WNT8A: variants seen among roughly 807,000 people sequenced by gnomAD.
WNT8A encodes Wnt family member 8A, also known as protein Wnt-8a.
A neutral mutation model predicts 20.5 loss-of-function variants in WNT8A; 14 were observed. That is an observed-to-expected ratio of 0.68 (90% CI 0.45 to 1.07). The LOEUF is 1.07. WNT8A is among the 50% of genes least tolerant of loss of function. The pLI is 0.00. For missense variants in WNT8A, 397 were observed against 462.9 expected, an observed-to-expected ratio of 0.86 and a Z score of 1.31; for synonymous variants, 167 against 169.2, an observed-to-expected ratio of 0.99 and a Z score of 0.10.
chr5:138,083,913 C>G, upstream of WNT8A: 1 of 568,866 alleles, frequency 1.8e-6, no homozygotes, highest in Non-Finnish European at 2.9e-6. Flanking sequence ...CCAGATCCCC[C>G]ACTGGGCCGG....
At chr5:138,085,407 T>C (rs1157732529) in intron 2 of WNT8A, among the ~76,000 whole-genome samples, 2 of 152,144 alleles carry the variant, frequency 1.3e-5, no homozygotes, top group African/African-American at 2.4e-5. Flanking sequence ...AGACGTCACA[T>C]TGAGTTGTGC....
chr5:138,088,557 C>T (rs763068377), intron 3 of WNT8A, among the ~76,000 whole-genome samples: 5 of 152,006 alleles, frequency 3.3e-5, no homozygotes, highest in African/African-American at 1.2e-4. Context: ...GGGGTTTCAC[C>T]GTGTTAGCCA....
At chr5:138,083,314 C>T (rs190741132), upstream of WNT8A, among the ~76,000 whole-genome samples, 58 of 151,386 alleles carry the variant, frequency 3.8e-4, no homozygotes, top group African/African-American at 1.3e-3. Context: ...AGGCATCAGT[C>T]TTCCCAAATA....
In WNT8A at chr5:138,089,007, T is replaced by C; in HGVS notation, c.502T>C (p.Leu168=). Reference sequence around the variant, plus strand: ...GATCTCCAAACTCTTTGTGGACAGTTTGGAGAAGGGGAAGGATGCCAGAGC... The same window carrying C: ...GATCTCCAAACTCTTTGTGGACAGTCTGGAGAAGGGGAAGGATGCCAGAGC... ...ERISKLFVDS[L]EKGKDARALM... The change falls in exon 4 of 5, where the codon TTG becomes CTG. Residue 168 remains leucine (L), a synonymous_variant. Coordinates refer to ENST00000506684, the MANE Select transcript of WNT8A (RefSeq NM_001300939.2). The C allele has an allele frequency of 6.2e-7, 1 of 1,613,780 alleles. No individual in the cohort carries two copies. The highest frequency in any genetic ancestry group is 8.5e-7 in the Non-Finnish European group (1 of 1,179,990).
At chr5:138,079,282 ATATAAACT>A (rs1398604049), upstream of WNT8A, among the ~76,000 whole-genome samples, 1 of 148,168 alleles carries the variant, frequency 6.7e-6, no homozygotes, top group African/African-American at 2.4e-5. Flanking sequence ...AAATTAAATT[ATATAAACT>A]TATAATTATA....
intron 2 of WNT8A, among the ~76,000 whole-genome samples, chr5:138,085,558 G>A (rs1264618724): frequency 6.6e-6 from 1 of 152,098 alleles, no homozygotes; most frequent in East Asian, 1.9e-4. Flanking sequence ...AGAAGACGGA[G>A]AAAGTGGCTA....
chr5:138,086,116 G>A (rs1750653494), intron 2 of WNT8A, among the ~76,000 whole-genome samples: 2 of 152,134 alleles, frequency 1.3e-5, no homozygotes, highest in Admixed American at 1.3e-4. Context: ...TAGCAGCAGT[G>A]GCTAGTGGAC....
chr5:138,088,785 TCCCA>T, intron 3 of WNT8A, 138 bp from the exon 4 acceptor site: 1 of 1,147,408 alleles, frequency 8.7e-7, no homozygotes, highest in Non-Finnish European at 1.2e-6. Context: ...GCAACAGGAC[TCCCA>T]CCCACCCCAA....
chr5:138,087,430 A>G (rs1750701454), intron 2 of WNT8A, among the ~76,000 whole-genome samples: 1 of 151,976 alleles, frequency 6.6e-6, no homozygotes, highest in Admixed American at 6.6e-5. Context: ...CAAGGAGGGC[A>G]GATCATGTGG....
At chr5:138,084,002 A>C, upstream of WNT8A, 1 of 1,255,218 alleles carries the variant, frequency 8.0e-7, no homozygotes, top group Non-Finnish European at 1.1e-6. Context: ...GAATTTTCTC[A>C]CATAAATACT....
At chr5:138,083,621 C>G (rs1456933757), upstream of WNT8A, among the ~76,000 whole-genome samples, 1 of 152,096 alleles carries the variant, frequency 6.6e-6, no homozygotes, top group Non-Finnish European at 1.5e-5. Context: ...ATTATTAACA[C>G]CTTGGGGAGG....
chr5:138,088,868 C>G lies in WNT8A; in HGVS notation c.422-59C>G, dbSNP rs199613868. 2.2e-5 allele frequency: 35 copies of G among 1,581,890 alleles called. No individual in the cohort carries two copies. In the African/African-American group the frequency reaches 3.6e-4, roughly 16 times the overall value. On this transcript the variant is annotated intron_variant, in intron 3 of 4. Transcript: ENST00000506684. ...TCTAGGGCTCTTGGGGGTGGTTTGGCGGGTGACTGGGACTGAGCATGGAGC... is the reference window on the plus strand; with the variant it reads ...TCTAGGGCTCTTGGGGGTGGTTTGGGGGGTGACTGGGACTGAGCATGGAGC...
At chr5:138,081,624 C>T (rs986011381), upstream of WNT8A, among the ~76,000 whole-genome samples, 2 of 151,966 alleles carry the variant, frequency 1.3e-5, no homozygotes, top group African/African-American at 4.8e-5. Flanking sequence ...GCTTTTCTCG[C>T]TTAACTCAAG....
chr5:138,082,145 A>G (rs1205301608), upstream of WNT8A, among the ~76,000 whole-genome samples: 1 of 152,198 alleles, frequency 6.6e-6, no homozygotes, highest in Non-Finnish European at 1.5e-5. Flanking sequence ...CTTAGGAAAG[A>G]GCTTCAGCAA....
At chr5:138,086,145 C>G (rs1195181825) in intron 2 of WNT8A, among the ~76,000 whole-genome samples, 1 of 152,150 alleles carries the variant, frequency 6.6e-6, no homozygotes, top group Non-Finnish European at 1.5e-5. Flanking sequence ...AGGCTGGACT[C>G]TAAGAGGGCA....
chr5:138,087,884 G>A lies in WNT8A; in HGVS notation c.374G>A (p.Gly125Asp), dbSNP rs1300743577. Reference sequence around the variant, plus strand: ...ATCATCACCAAGAACTGTAGCATGGGTGACTTCGAAAACTGTGGCTGTGAT... The same window carrying A: ...ATCATCACCAAGAACTGTAGCATGGATGACTTCGAAAACTGTGGCTGTGAT... ...MYIITKNCSMGDFENCGCDGS... is the reference protein window; with the variant it reads ...MYIITKNCSMDDFENCGCDGS... The change falls in exon 3 of 5, where the codon GGT (glycine) becomes GAT (aspartate). Residue 125 changes from glycine to aspartate, a missense_variant. By Grantham distance (94) the Gly-to-Asp change is moderately conservative. Coordinates refer to ENST00000506684, the MANE Select transcript of WNT8A (RefSeq NM_001300939.2). 3 of 1,613,954 alleles carry A rather than the reference G, an allele frequency of 1.9e-6. No individual in the cohort carries two copies. The African/African-American group carries it at 4.0e-5, about 22-fold the overall frequency.
rs188465674 is a variant in WNT8A at position 138,087,093 on chromosome 5, C to T, written c.296-713C>T. Among the ~76,000 whole-genome samples, 189 of 151,474 alleles carry T rather than the reference C, an allele frequency of 1.2e-3. 4 individuals carry two copies. The highest frequency in any genetic ancestry group is 0.01 in the Middle Eastern group (3 of 290). On this transcript the variant is annotated intron_variant, in intron 2 of 4. Transcript: ENST00000506684. The stretch of plus-strand genomic sequence containing the variant: ...AAAAAATAGGCCAGGCACAGTGGCT[C>T]ACGCCTGTAATCCCAGCACTTTGGG...
rs1174498176 is a variant in WNT8A at position 138,091,540 on chromosome 5, A to C, written c.*467A>C. ...GGCTACAAATCTATGCTGATAAATG[A>C]GGTAAAGACCACATATCTGCCTACT... On this transcript the variant is annotated 3_prime_UTR_variant, in exon 5 of 5. Coordinates refer to ENST00000506684, the MANE Select transcript of WNT8A (RefSeq NM_001300939.2). The C allele has an allele frequency of 2.3e-6, 3 of 1,286,836 alleles. No homozygotes were observed. The African/African-American group carries it at 4.5e-5, about 20-fold the overall frequency. 79.7% of individuals were successfully genotyped at this position (1,286,836 alleles called of 1,614,324 possible).
At chr5:138,080,444 G>GTTTTTTTGTTTTTTTTTTTTTTTTTTTTT (rs750585385), upstream of WNT8A, among the ~76,000 whole-genome samples, 3 of 55,970 alleles carry the variant, frequency 5.4e-5, no homozygotes, top group Non-Finnish European at 6.5e-5. Context: ...TGTAAATCTT[G>GTTTTTTTGTTTTTTTTTTTTTTTTTTTTT]TTTTTTTTTT....
Sources: gnomAD v4.1 joint callset for allele counts (sites outside exome capture counted in the v4.1 genomes callset) on GRCh38, gnomAD v4.1.1 for gene constraint, MANE v1.5 for transcripts, NCBI Gene and HGNC (gene_info 2026-07-23, HGNC 2026-07-21) for gene names.